The following TBL1X variants were observed in gnomAD, a reference collection of about 807,000 sequenced individuals.
TBL1X encodes transducin beta like 1 X-linked.
Under a neutral mutation model 50.7 loss-of-function variants are expected in TBL1X, and 10 were observed. That is an observed-to-expected ratio of 0.20 (90% CI 0.12 to 0.33). The LOEUF is 0.33. Ranked by LOEUF, TBL1X falls within the 10% of genes least tolerant of loss-of-function variation. The pLI, the probability that TBL1X is intolerant of heterozygous loss-of-function variation, is 1.00. For missense variants in TBL1X, 340 were observed against 504.4 expected (o/e 0.67, Z 3.12); for synonymous variants, 190 against 214.7 (o/e 0.88, Z 1.01).
At chrX:9,681,487 A>G (rs922897388) in intron 5 of TBL1X, among the ~76,000 whole-genome samples, 1 of 112,637 alleles carries the variant, frequency 8.9e-6, no homozygotes, top group African/African-American at 3.2e-5. Flanking sequence ...AGACTGAGGT[A>G]GTGGACAGAG....
rs540530100 is a variant in TBL1X, at chrX:9,566,300, C to T, written c.-131+64451C>T. Among the ~76,000 whole-genome samples the T allele has an allele frequency of 1.5e-4, 17 of 111,867 alleles. No homozygotes were observed. In the South Asian group the frequency reaches 6.4e-3, roughly 42 times the overall value. ...ATCTCTAGACATTGCCCAATGTTTC[C>T]TGGGGGTCAAAATTACCTGTAAGAA... On this transcript the variant is annotated intron_variant, in intron 2 of 17. Coordinates refer to ENST00000645353, the MANE Select transcript of TBL1X (RefSeq NM_005647.4).
chrX:9,609,910 T>C (rs1844122559), intron 2 of TBL1X, among the ~76,000 whole-genome samples: 1 of 112,928 alleles, frequency 8.9e-6, no homozygotes, highest in Non-Finnish European at 1.9e-5. Context: ...AAAGGTGTTA[T>C]CTCAGGTTCT....
intron 2 of TBL1X, among the ~76,000 whole-genome samples, chrX:9,505,726 G>T (rs1845752864): frequency 8.9e-6 from 1 of 111,864 alleles, no homozygotes; most frequent in African/African-American, 3.3e-5. Flanking sequence ...AATGGTAAAG[G>T]GAACAATTCA....
chrX:9,716,659 ATT>A lies in TBL1X; in HGVS notation c.*424_*425del, dbSNP rs374398865. On this transcript the variant is annotated 3_prime_UTR_variant, in exon 18 of 18. Coordinates refer to ENST00000645353, the MANE Select transcript of TBL1X (RefSeq NM_005647.4). ...AGGGGGAAAAACCCTCCTCCTTGGG[ATT>A]TTTTTTTTTTGTTTTCCCTAACAAT... 136 of 111,489 alleles carry A rather than the reference ATT, an allele frequency of 1.2e-3. No individual in the cohort carries two copies. Among genetic ancestry groups the A allele is most frequent in the Admixed American group, 2.0e-3 (21 of 10,247 alleles). 9.2% of individuals were successfully genotyped at this position (111,489 alleles called of 1,213,427 possible).
chrX:9,466,380 C>T (rs939204370), intron 1 of TBL1X, among the ~76,000 whole-genome samples: 5 of 112,553 alleles, frequency 4.4e-5, no homozygotes, highest in Non-Finnish European at 9.4e-5. Context: ...CGCCTGTGTT[C>T]CGTCAGACCG....
At chrX:9,711,030 C>T (rs2083243136) in intron 15 of TBL1X, among the ~76,000 whole-genome samples, 1 of 111,534 alleles carries the variant, frequency 9.0e-6, no homozygotes, top group Non-Finnish European at 1.9e-5. Flanking sequence ...AAATATTTAC[C>T]ATTTACGTCT....
At chrX:9,588,318 G>GGC (rs1481755061) in intron 2 of TBL1X, among the ~76,000 whole-genome samples, 1 of 111,483 alleles carries the variant, frequency 9.0e-6, no homozygotes, top group Non-Finnish European at 1.9e-5. Context: ...GATGCTCAGG[G>GGC]GCGGCTGCAC....
intron 2 of TBL1X, among the ~76,000 whole-genome samples, chrX:9,568,759 GTC>G (rs1315044876): frequency 9.6e-6 from 1 of 104,459 alleles, no homozygotes; most frequent in African/African-American, 3.6e-5. Flanking sequence ...TGTTTGTGTT[GTC>G]TCTATCTGTG....
chrX:9,551,654 G>A (rs190722670), intron 2 of TBL1X, among the ~76,000 whole-genome samples: 1 of 111,769 alleles, frequency 8.9e-6, no homozygotes, highest in East Asian at 2.8e-4. Context: ...GGGAAGAACT[G>A]TGTTGGCCCA....
intron 2 of TBL1X, among the ~76,000 whole-genome samples, chrX:9,564,491 T>C (rs1354803932): frequency 1.8e-5 from 2 of 110,118 alleles, no homozygotes; most frequent in African/African-American, 3.3e-5. Context: ...CCCAGCACTT[T>C]GGGGGGGCCC....
chrX:9,556,347 T>G (rs756388986), intron 2 of TBL1X, among the ~76,000 whole-genome samples: 4 of 110,860 alleles, frequency 3.6e-5, no homozygotes, highest in South Asian at 7.7e-4. Flanking sequence ...TGCTTAAAAC[T>G]ACACACATTT....
At chrX:9,692,566 C>T (rs1434751211) in intron 9 of TBL1X, among the ~76,000 whole-genome samples, 1 of 112,294 alleles carries the variant, frequency 8.9e-6, no homozygotes, top group East Asian at 2.8e-4. Context: ...TGCCACCACA[C>T]CTGGCTAATT....
chrX:9,637,250 C>A (rs918669151), intron 2 of TBL1X: 10 of 111,485 alleles, frequency 9.0e-5, no homozygotes, highest in African/African-American at 2.6e-4. Context: ...TCGTGCTTCC[C>A]CCAAGAACAT....
At chrX:9,550,410 A>G (rs762578004) in intron 2 of TBL1X, among the ~76,000 whole-genome samples, 4 of 112,459 alleles carry the variant, frequency 3.6e-5, no homozygotes, top group East Asian at 5.6e-4. Context: ...TCAACCAAGG[A>G]AAAGGTGGAA....
rs966604933 is a variant in TBL1X at position 9,714,995 on chromosome X, G to A, written c.1699G>A (p.Asp567Asn). ...RGDKVGASAS[D>N]GSVCVLDLRK is the part of the protein sequence containing the mutation. ...AGACAAAGTGGGTGCCAGCGCGTCCGACGGCTCTGTAAGCAACACCTCTGG... is the reference window on the plus strand; with the variant it reads ...AGACAAAGTGGGTGCCAGCGCGTCCAACGGCTCTGTAAGCAACACCTCTGG... Residue 567 changes from aspartate to asparagine, a missense_variant, in exon 17 of 18, where the codon GAC (aspartate) becomes AAC (asparagine). Physicochemically the swap from Asp to Asn is conservative, Grantham distance 23 (BLOSUM62 1). Around this residue, in one of 6 missense-constraint regions of TBL1X, gnomAD observed 170 missense variants for 272.6 expected, o/e 0.62. Coordinates refer to ENST00000645353, the MANE Select transcript of TBL1X (RefSeq NM_005647.4). The A allele has an allele frequency of 5.0e-6, 6 of 1,209,652 alleles. No homozygotes were observed. Among genetic ancestry groups the A allele is most frequent in the Admixed American group, 2.2e-5 (1 of 45,931 alleles).
At chrX:9,589,272 CCT>C (rs1367034201) in intron 2 of TBL1X, among the ~76,000 whole-genome samples, 3 of 110,419 alleles carry the variant, frequency 2.7e-5, no homozygotes, top group Non-Finnish European at 5.7e-5. Context: ...AGAAGTATAT[CCT>C]CTCACGGTTC....
chrX:9,560,864 C>T (rs1323188862), intron 2 of TBL1X, among the ~76,000 whole-genome samples: 1 of 111,802 alleles, frequency 8.9e-6, no homozygotes, highest in African/African-American at 3.3e-5. Context: ...ACAATCAGGT[C>T]CTCCCAACTC....
intron 2 of TBL1X, among the ~76,000 whole-genome samples, chrX:9,540,444 G>A (rs1413084917): frequency 8.9e-6 from 1 of 112,209 alleles, no homozygotes; most frequent in Non-Finnish European, 1.9e-5. Context: ...AACCAGAAAG[G>A]CCCCACCTCT....
chrX:9,703,209 A>AG (rs2083185479), intron 12 of TBL1X, among the ~76,000 whole-genome samples: 1 of 108,362 alleles, frequency 9.2e-6, no homozygotes, highest in African/African-American at 3.4e-5. Flanking sequence ...CAGAACCTTC[A>AG]GGGGAAGGGA....
Sources: gnomAD v4.1 joint callset for allele counts (sites outside exome capture counted in the v4.1 genomes callset) on GRCh38, gnomAD v4.1.1 for gene constraint, gnomAD v4.1.1 regional missense constraint, MANE v1.5 for transcripts, NCBI Gene and HGNC (gene_info 2026-07-23, HGNC 2026-07-21) for gene names.